The following DNAH1 variants were observed in gnomAD, a reference collection of about 807,000 sequenced individuals.
The protein encoded by DNAH1 is axonemal beta dynein heavy chain 1.
Under a neutral mutation model 484.3 loss-of-function variants are expected in DNAH1, and 327 were observed. That is an observed-to-expected ratio of 0.68 (90% confidence interval 0.62 to 0.74). DNAH1 has a LOEUF of 0.74. Among genes scored for constraint, DNAH1 ranks in the 30% least tolerant of loss-of-function variants. The pLI, the probability that DNAH1 is intolerant of heterozygous loss-of-function variation, is 0.00. For synonymous variants in DNAH1, 2,192 were observed against 2,191.9 expected, an observed-to-expected ratio of 1.00 and a Z score of 0.00; for missense variants, 5,052 against 5,546.8, an observed-to-expected ratio of 0.91 and a Z score of 2.83.
rs575172462 is a variant in DNAH1, at chr3:52,388,505, G to C, written c.9259G>C (p.Gly3087Arg). ...AKQRLREVED[G>R]IATMQAKYRE... ...ACAGCGCCTTCGTGAGGTGGAGGAC[G>C]GCATCGCCACAATGCAGGCTAAGTA... is the stretch of plus-strand genomic sequence containing the variant. Residue 3087 changes from glycine to arginine, a missense_variant, in exon 58 of 78, where the codon GGC (glycine) becomes CGC (arginine). Transcript: ENST00000420323. 1.1e-5 allele frequency: 17 copies of C among 1,612,668 alleles called. No homozygotes were observed. Among genetic ancestry groups the C allele is most frequent in the Non-Finnish European group, 1.4e-5 (17 of 1,179,404 alleles).
intron 59 of DNAH1, 142 bp from the exon 60 acceptor site, chr3:52,389,319 C>A: frequency 7.8e-7 from 1 of 1,276,142 alleles, no homozygotes; most frequent in Admixed American, 2.2e-5. Context: ...AGAAAGTCAC[C>A]CGAAGTGGGA....
In DNAH1 at chr3:52,386,212, T is replaced by C. The variant is rs770434805; in HGVS notation, c.8678T>C (p.Ile2893Thr). ...ETRNSVQTEE[I>T]KANEKAKKAQ... Reference sequence around the variant, plus strand: ...CGGAATTCAGTGCAGACAGAGGAGATCAAAGCCAATGAGAAGGCCAAGAAG... The same window carrying C: ...CGGAATTCAGTGCAGACAGAGGAGACCAAAGCCAATGAGAAGGCCAAGAAG... The change falls in exon 55 of 78, where the codon ATC becomes ACC. Residue 2893 changes from isoleucine (I) to threonine (T), a missense_variant. By Grantham distance (89) the Ile-to-Thr change is moderately conservative. Around this residue, in one of 4 missense-constraint regions of DNAH1, gnomAD observed 2,929 missense variants for 3,409.4 expected, o/e 0.86. Transcript: ENST00000420323. 13 of 1,613,756 alleles carry C rather than the reference T, an allele frequency of 8.1e-6. No individual in the cohort carries two copies. Among genetic ancestry groups the C allele is most frequent in the Non-Finnish European group, 1.0e-5 (12 of 1,179,832 alleles).
chr3:52,365,797 T>C (rs1703048478), intron 34 of DNAH1, among the ~76,000 whole-genome samples: 1 of 152,162 alleles, frequency 6.6e-6, no homozygotes, highest in African/African-American at 2.4e-5. Context: ...TTCAATTCCA[T>C]GTGCAGCTCG....
In DNAH1 at chr3:52,384,966, G is replaced by A. The variant is rs372378090; in HGVS notation, c.8503G>A (p.Gly2835Ser). The part of the protein sequence containing the change: ...LKTAKNRMKS[G>S]LDKLLRTSED... ...AACTGCCAAGAACCGCATGAAGAGC[G>A]GCCTCGACAAGGTGGGCCCAGGCGA... The change falls in exon 53 of 78, where the codon GGC becomes AGC. Residue 2835 changes from glycine to serine, a missense_variant. Coordinates refer to ENST00000420323, the MANE Select transcript of DNAH1 (RefSeq NM_015512.5). 7.4e-6 allele frequency: 12 copies of A among 1,612,674 alleles called. No homozygotes were observed. Among genetic ancestry groups the A allele is most frequent in the African/African-American group, 5.3e-5 (4 of 74,912 alleles).
intron 45 of DNAH1, 90 bp from the exon 46 acceptor site, chr3:52,375,865 T>G: frequency 6.8e-7 from 1 of 1,461,948 alleles, no homozygotes; most frequent in Non-Finnish European, 9.5e-7. Flanking sequence ...TACCCCAAGA[T>G]GCTGTTTCCC....
chr3:52,370,886 C>T (rs1018097909), intron 41 of DNAH1, 61 bp downstream of exon 41: 25 of 1,505,660 alleles, frequency 1.7e-5, no homozygotes, highest in Admixed American at 8.0e-5. Flanking sequence ...CTGCTGTTCC[C>T]GCAATGAATT....
rs780451014 is a variant in DNAH1 at position 52,366,485 on chromosome 3, C to T, written c.5547C>T (p.Tyr1849=). 1.2e-5 allele frequency: 20 copies of T among 1,601,754 alleles called. No individual in the cohort carries two copies. The highest frequency in any genetic ancestry group is 3.4e-5 in the Admixed American group (2 of 58,674). ...EGFLTKCIQL[Y]ETTVVRHGLM... ...TCCTGACAAAGTGCATCCAGCTCTA[C>T]GAGACCACGGTGGTACGACACGGCC... The change falls in exon 35 of 78, where the codon TAC becomes TAT. Residue 1849 remains tyrosine, a synonymous_variant. Transcript: ENST00000420323.
chr3:52,384,045 T>C lies in DNAH1; in HGVS notation c.8322+14T>C, dbSNP rs748984130. 5 of 1,586,798 alleles carry C rather than the reference T, an allele frequency of 3.2e-6. No individual in the cohort carries two copies. In the Admixed American group the frequency reaches 7.0e-5, roughly 22 times the overall value. On this transcript the variant is annotated intron_variant, in intron 52 of 77. Transcript: ENST00000420323. ...ATCCAAGGACTGGTGGGTGTCTTGC[T>C]GAAGCTCAGGCCCTTGGGGAGACCT... is the stretch of plus-strand genomic sequence containing the variant.
rs1054397569 is a variant in DNAH1, at chr3:52,346,365, A to G, written c.1657-107A>G. The G allele has an allele frequency of 5.0e-6, 6 of 1,195,796 alleles. No homozygotes were observed. In the Admixed American group the frequency reaches 1.2e-4, roughly 23 times the overall value. 74.1% of individuals were successfully genotyped at this position (1,195,796 alleles called of 1,614,324 possible). A position where few individuals can be genotyped will look rare whatever the true frequency, so the allele number is the denominator to read the frequency against. On this transcript the variant is annotated intron_variant, in intron 10 of 77. Coordinates refer to ENST00000420323, the MANE Select transcript of DNAH1 (RefSeq NM_015512.5). ...GTAGGGGACATCCCTCCACAGTCAG[A>G]TGAGCCCTGAGCCGCCCCAAGCACC...
intron 3 of DNAH1, 30 bp downstream of exon 3, chr3:52,323,910 G>C (rs377260260): frequency 3.0e-5 from 46 of 1,521,470 alleles, no homozygotes; most frequent in Non-Finnish European, 3.8e-5. Context: ...GTGTGAGTGG[G>C]TCCCGGTAGG....
Position 52,388,669 on chromosome 3 carries a change from G to A in DNAH1, c.9363+60G>A, listed in dbSNP as rs1315257527. The A allele has an allele frequency of 1.9e-6, 3 of 1,609,958 alleles. No homozygotes were observed. The African/African-American group carries it at 4.0e-5, about 21-fold the overall frequency. On this transcript the variant is annotated intron_variant, in intron 58 of 77. Coordinates refer to ENST00000420323, the MANE Select transcript of DNAH1 (RefSeq NM_015512.5). Reference sequence around the variant, plus strand: ...GCCCGGCCCAGACAGGGGCCAGAAAGGACCAGGGCGCCGGTGGGTCCTGGG... The same window carrying A: ...GCCCGGCCCAGACAGGGGCCAGAAAAGACCAGGGCGCCGGTGGGTCCTGGG...
Position 52,399,815 on chromosome 3 carries a change from G to A in DNAH1, c.12676+36G>A, listed in dbSNP as rs375377618. The stretch of plus-strand genomic sequence containing the variant: ...TGGGATGGGAGCCTACACTATGGGC[G>A]GGGACCCAGGACTAACCCAGCCCAG... On this transcript the variant is annotated intron_variant, in intron 77 of 77. Transcript: ENST00000420323. 7.5e-4 allele frequency: 1,192 copies of A among 1,598,248 alleles called. 1 individual carries two copies. The highest frequency in any genetic ancestry group is 9.9e-4 in the Non-Finnish European group (1,162 of 1,169,562).
chr3:52,365,558 C>T (rs1703039514), intron 34 of DNAH1, among the ~76,000 whole-genome samples: 1 of 152,174 alleles, frequency 6.6e-6, no homozygotes, highest in African/African-American at 2.4e-5. Flanking sequence ...GGGACACTGC[C>T]CTCAAATAGA....
At chr3:52,373,763 A>C in intron 44 of DNAH1, 1 of 1,417,552 alleles carries the variant, frequency 7.1e-7, no homozygotes, top group South Asian at 1.2e-5. Context: ...AGAAGGAATT[A>C]AAACGAGCTG....
At chr3:52,323,945 CAG>C in intron 3 of DNAH1, 65 bp downstream of exon 3, 1 of 1,281,054 alleles carries the variant, frequency 7.8e-7, no homozygotes, top group Non-Finnish European at 1.1e-6. Flanking sequence ...CTTTTGGCCT[CAG>C]GGAGACAGCC....
At position 52,392,635 on chromosome 3, in the gene DNAH1, C is replaced by T. The variant is rs369575177; in HGVS notation, c.10224C>T (p.Asp3408=). The T allele has an allele frequency of 6.2e-7, 1 of 1,612,412 alleles. No homozygotes were observed. The highest frequency in any genetic ancestry group is 8.5e-7 in the Non-Finnish European group (1 of 1,179,232). ...LSSSEGNPVD[D]MELIKVLEAS... is the part of the protein sequence containing the mutation. ...CCTCCGAGGGCAACCCTGTAGATGA[C>T]ATGGAACTCATCAAGGTGCTGGAAG... The change falls in exon 64 of 78, where the codon GAC becomes GAT. Residue 3408 remains aspartate (D), a synonymous_variant. Coordinates refer to ENST00000420323, the MANE Select transcript of DNAH1 (RefSeq NM_015512.5).
intron 34 of DNAH1, among the ~76,000 whole-genome samples, chr3:52,365,580 C>T (rs923491044): frequency 3.9e-5 from 6 of 152,186 alleles, no homozygotes; most frequent in Admixed American, 2.0e-4. Flanking sequence ...TCCCTCTCAT[C>T]CCGAACCCTC....
intron 16 of DNAH1, among the ~76,000 whole-genome samples, chr3:52,351,622 C>A (rs1702382786): frequency 6.6e-6 from 1 of 152,230 alleles, no homozygotes; most frequent in South Asian, 2.1e-4. Flanking sequence ...AGGAAAGGCC[C>A]CTCTGGCCCC....
intron 50 of DNAH1, 71 bp from the exon 51 acceptor site, chr3:52,383,315 G>C: frequency 7.2e-7 from 1 of 1,381,780 alleles, no homozygotes; most frequent in Admixed American, 1.8e-5. Context: ...TGTTGTGAAG[G>C]TCCAGCGAGA....
Sources: gnomAD v4.1 joint callset for allele counts (sites outside exome capture counted in the v4.1 genomes callset) on GRCh38, gnomAD v4.1.1 for gene constraint, gnomAD v4.1.1 regional missense constraint, MANE v1.5 for transcripts, NCBI Gene and HGNC (gene_info 2026-07-23, HGNC 2026-07-21) for gene names.